The following TMEM163 variants were observed in gnomAD, a reference collection of about 807,000 sequenced individuals.
The protein encoded by TMEM163 is transmembrane protein 163.
In TMEM163, 17 loss-of-function variants were observed where a neutral mutation model predicts 29.3. The observed-to-expected ratio is 0.58, with a 90% CI of 0.40 to 0.87. The LOEUF (loss-of-function observed/expected upper bound fraction) is 0.87. TMEM163 is among the 40% of genes least tolerant of loss of function. The pLI, the probability that TMEM163 is intolerant of heterozygous loss-of-function variation, is 0.00. For synonymous variants in TMEM163, 157 were observed against 160.6 expected, an observed-to-expected ratio of 0.98 and a Z score of 0.17; for missense variants, 303 against 381.5, an observed-to-expected ratio of 0.79 and a Z score of 1.71.
intron 4 of TMEM163, among the ~76,000 whole-genome samples, chr2:134,547,191 G>A (rs545115115): frequency 3.3e-5 from 5 of 152,234 alleles, no homozygotes; most frequent in East Asian, 3.9e-4. Context: ...TATGTTATGC[G>A]TTTTAACAAA....
chr2:134,692,657 G>C (rs1334007427), intron 2 of TMEM163, among the ~76,000 whole-genome samples: 1 of 152,146 alleles, frequency 6.6e-6, no homozygotes. Context: ...AGTGCAGAGG[G>C]TGGAGGCAGA....
intron 2 of TMEM163, among the ~76,000 whole-genome samples, chr2:134,607,105 G>A (rs1272228516): frequency 7.4e-6 from 1 of 134,860 alleles, no homozygotes; most frequent in Non-Finnish European, 1.6e-5. Context: ...CTGGTGAAAA[G>A]GACAGACCCC....
chr2:134,697,975 A>C (rs1684617666), intron 2 of TMEM163, among the ~76,000 whole-genome samples: 1 of 152,206 alleles, frequency 6.6e-6, no homozygotes, highest in Non-Finnish European at 1.5e-5. Context: ...AATGGAGTGC[A>C]TGAGATTGGG....
intron 4 of TMEM163, among the ~76,000 whole-genome samples, chr2:134,506,806 T>C (rs916160393): frequency 6.6e-6 from 1 of 152,196 alleles, no homozygotes; most frequent in Non-Finnish European, 1.5e-5. Context: ...GCTTCCAGGC[T>C]TGGGGGACCA....
chr2:134,458,581 G>A (rs767187333), intron 6 of TMEM163: 1 of 180,194 alleles, frequency 5.5e-6, no homozygotes, highest in Non-Finnish European at 1.2e-5. Flanking sequence ...GTGTCTGCTG[G>A]GCCAGATTCC....
intron 2 of TMEM163, among the ~76,000 whole-genome samples, chr2:134,594,543 G>T (rs553426047): frequency 6.6e-6 from 1 of 152,304 alleles, no homozygotes; most frequent in East Asian, 1.9e-4. Flanking sequence ...CACACACAGC[G>T]GGATAAAAAC....
chr2:134,548,162 CA>C (rs1269429568), intron 4 of TMEM163, among the ~76,000 whole-genome samples: 1 of 151,852 alleles, frequency 6.6e-6, no homozygotes, highest in Admixed American at 6.6e-5. Flanking sequence ...CTGGCCAATA[CA>C]AATATAATAT....
intron 2 of TMEM163, among the ~76,000 whole-genome samples, chr2:134,648,008 G>T (rs1683373559): frequency 6.6e-6 from 1 of 152,236 alleles, no homozygotes; most frequent in African/African-American, 2.4e-5. Flanking sequence ...GCTCAGTGGA[G>T]GGTCAGCGTG....
intron 2 of TMEM163, among the ~76,000 whole-genome samples, chr2:134,619,387 T>A (rs1018548337): frequency 1.3e-5 from 2 of 152,146 alleles, no homozygotes; most frequent in Non-Finnish European, 2.9e-5. Context: ...TAGCAACATA[T>A]AAACAGGATT....
intron 2 of TMEM163, among the ~76,000 whole-genome samples, chr2:134,570,469 T>C (rs56127501): frequency 4.1e-5 from 6 of 145,106 alleles, no homozygotes; most frequent in East Asian, 2.1e-4. Context: ...ACTACATATA[T>C]ATATACATAT....
chr2:134,505,369 G>A (rs1027160192), intron 4 of TMEM163, among the ~76,000 whole-genome samples: 3 of 151,676 alleles, frequency 2.0e-5, no homozygotes, highest in Non-Finnish European at 2.9e-5. Context: ...GTGTACACAG[G>A]ATTGAGAATG....
At chr2:134,708,644 T>C (rs1363814863) in intron 2 of TMEM163, among the ~76,000 whole-genome samples, 1 of 152,100 alleles carries the variant, frequency 6.6e-6, no homozygotes, top group African/African-American at 2.4e-5. Flanking sequence ...TGGAGTGCAG[T>C]GGCATGATCT....
intron 2 of TMEM163, among the ~76,000 whole-genome samples, chr2:134,610,147 G>A (rs1682468764): frequency 6.6e-6 from 1 of 152,216 alleles, no homozygotes; most frequent in African/African-American, 2.4e-5. Context: ...GGTTGAGGAA[G>A]GGAGAAGAGA....
At chr2:134,645,107 T>G (rs1274012699) in intron 2 of TMEM163, among the ~76,000 whole-genome samples, 1 of 152,240 alleles carries the variant, frequency 6.6e-6, no homozygotes, top group Non-Finnish European at 1.5e-5. Context: ...AAAATGCTGC[T>G]TATACCAAAT....
At chr2:134,482,613 A>G (rs1679216995) in intron 5 of TMEM163, among the ~76,000 whole-genome samples, 1 of 151,836 alleles carries the variant, frequency 6.6e-6, no homozygotes, top group South Asian at 2.1e-4. Context: ...TGAAACAGTC[A>G]CTCTTGTCTT....
chr2:134,479,674 T>G (rs1460553268), intron 5 of TMEM163, among the ~76,000 whole-genome samples: 1 of 152,152 alleles, frequency 6.6e-6, no homozygotes, highest in African/African-American at 2.4e-5. Context: ...GGGCACCTAA[T>G]TCATGCCACA....
intron 2 of TMEM163, among the ~76,000 whole-genome samples, chr2:134,657,726 C>G (rs528241030): frequency 6.6e-6 from 1 of 152,280 alleles, no homozygotes; most frequent in Non-Finnish European, 1.5e-5. Flanking sequence ...TCGCCTATAT[C>G]TGGGAGGCGG....
intron 4 of TMEM163, among the ~76,000 whole-genome samples, chr2:134,547,896 T>C (rs1680826577): frequency 6.6e-6 from 1 of 152,244 alleles, no homozygotes; most frequent in African/African-American, 2.4e-5. Context: ...ATTTTGATCT[T>C]GGAAAACCTC....
chr2:134,551,129 A>T (rs1680910299), intron 3 of TMEM163, among the ~76,000 whole-genome samples: 1 of 152,200 alleles, frequency 6.6e-6, no homozygotes, highest in African/African-American at 2.4e-5. Flanking sequence ...AGTTGCATAT[A>T]AAATTCAATG....
Sources: allele counts gnomAD v4.1 joint callset (sites outside exome capture counted in the v4.1 genomes callset), GRCh38; gene constraint gnomAD v4.1.1; transcripts MANE v1.5; gene names NCBI Gene and HGNC (gene_info 2026-07-23, HGNC 2026-07-21).